CLCN4: variants seen among roughly 807,000 people sequenced by gnomAD.
CLCN4 encodes the protein H(+)/Cl(-) exchange transporter 4.
Under a neutral mutation model 41.7 loss-of-function variants are expected in CLCN4, and 1 was observed. The ratio of observed to expected loss-of-function variants is 0.02; its 90% confidence interval spans 0.01 to 0.11. The LOEUF (loss-of-function observed/expected upper bound fraction) is 0.11, where lower values mean the gene tolerates loss of function less well. Among genes scored for constraint, CLCN4 ranks in the 10% least tolerant of loss-of-function variants. CLCN4 has a pLI of 1.00. For synonymous variants in CLCN4, 277 were observed against 285.8 expected, an observed-to-expected ratio of 0.97 and a Z score of 0.31; for missense variants, 287 against 661.0, an observed-to-expected ratio of 0.43 and a Z score of 6.20.
intron 11 of CLCN4, among the ~76,000 whole-genome samples, chrX:10,216,918 T>TATATATATATATACAC (rs773265490): frequency 3.6e-4 from 14 of 38,931 alleles, no homozygotes; most frequent in African/African-American, 1.1e-3. Flanking sequence ...TATATATATA[T>TATATATATATATACAC]ACACACACAC....
chrX:10,232,044 G>A (rs1203986588), intron 12 of CLCN4, among the ~76,000 whole-genome samples: 1 of 111,754 alleles, frequency 8.9e-6, no homozygotes, highest in Non-Finnish European at 1.9e-5. Flanking sequence ...AATTCATATT[G>A]TCATTATTCT....
In CLCN4 at chrX:10,208,260, C is replaced by T. The variant is rs1480354256; in HGVS notation, c.1059C>T (p.Asn353=). 8.3e-7 allele frequency: 1 copy of T among 1,211,470 alleles called. No homozygotes were observed. Among genetic ancestry groups the T allele is most frequent in the Admixed American group, 2.2e-5 (1 of 45,950 alleles). Residue 353 remains asparagine, a synonymous_variant, in exon 9 of 13, where the codon AAC becomes AAT. Transcript: ENST00000380833. ...GGGGAACCCTCTTCATCCGCTGCAA[C>T]ATCGCCTGGTGCAGGAGGCGCAAGA... ...GLWGTLFIRC[N]IAWCRRRKTT... is the part of the protein sequence containing the mutation.
intron 6 of CLCN4, among the ~76,000 whole-genome samples, chrX:10,199,576 G>A (rs182153090): frequency 1.4e-3 from 155 of 111,242 alleles, no homozygotes; most frequent in African/African-American, 4.7e-3. Flanking sequence ...TGTTTGACTC[G>A]TGTATTTTGT....
chrX:10,202,100 G>A (rs1471461380), intron 6 of CLCN4, among the ~76,000 whole-genome samples: 2 of 112,216 alleles, frequency 1.8e-5, no homozygotes, highest in African/African-American at 3.2e-5. Context: ...ACTTTCAGAG[G>A]CCAAGGTGGG....
At chrX:10,158,848 A>T (rs1923023957) in intron 2 of CLCN4, among the ~76,000 whole-genome samples, 1 of 113,470 alleles carries the variant, frequency 8.8e-6, no homozygotes, top group Admixed American at 9.2e-5. Flanking sequence ...CGGCGGGGGA[A>T]CAAAATCTGA....
In CLCN4 at chrX:10,233,859, A is replaced by G. The variant is rs1925183623; in HGVS notation, c.*275A>G. 4 of 316,529 alleles carry G rather than the reference A, an allele frequency of 1.3e-5. No homozygotes were observed. In the South Asian group the frequency reaches 1.7e-4, roughly 13 times the overall value. The allele number at this position is 316,529 out of a possible 1,213,427, so 26.1% of individuals were successfully genotyped here. On this transcript the variant is annotated 3_prime_UTR_variant, in exon 13 of 13. Transcript: ENST00000380833. Reference sequence around the variant, plus strand: ...GGGCATGTGGGTGGGTAAATGATGTAAATGATGTGATCTGTACAAGTATGT... The same window carrying G: ...GGGCATGTGGGTGGGTAAATGATGTGAATGATGTGATCTGTACAAGTATGT...
intron 2 of CLCN4, among the ~76,000 whole-genome samples, chrX:10,170,913 C>T (rs912435840): frequency 8.9e-6 from 1 of 112,409 alleles, no homozygotes; most frequent in African/African-American, 3.2e-5. Context: ...GAGACAGCGT[C>T]TCGCTGTGTC....
At chrX:10,217,611 A>G (rs765454899) in intron 11 of CLCN4, among the ~76,000 whole-genome samples, 4 of 112,382 alleles carry the variant, frequency 3.6e-5, no homozygotes, top group African/African-American at 9.7e-5. Context: ...TTCTTGGCCT[A>G]TCACATAGTT....
At chrX:10,204,613 CTTTTTTTTTTTT>C (rs61453535) in intron 6 of CLCN4, among the ~76,000 whole-genome samples, 338 of 27,322 alleles carry the variant, frequency 0.012, 3 homozygotes, top group Middle Eastern at 0.023. Flanking sequence ...AGCTAGTAGT[CTTTTTTTTTTTT>C]TTTTTTTTTT....
intron 6 of CLCN4, among the ~76,000 whole-genome samples, chrX:10,203,321 G>A (rs901890112): frequency 1.8e-5 from 2 of 111,527 alleles, no homozygotes; most frequent in Non-Finnish European, 3.8e-5. Flanking sequence ...CCCAGAGCAC[G>A]GGCTCAATTA....
rs143683486 is a variant in CLCN4 at position 10,208,263 on chromosome X, C to T, written c.1062C>T (p.Ile354=). 1.0e-4 allele frequency: 123 copies of T among 1,208,869 alleles called. No individual in the cohort carries two copies. In the African/African-American group the frequency reaches 1.8e-3, roughly 18 times the overall value. The part of the protein sequence containing the change: ...LWGTLFIRCN[I]AWCRRRKTTR... ...GAACCCTCTTCATCCGCTGCAACAT[C>T]GCCTGGTGCAGGAGGCGCAAGACCA... The change falls in exon 9 of 13, where the codon ATC becomes ATT. Residue 354 remains isoleucine (I), a synonymous_variant. Coordinates refer to ENST00000380833, the MANE Select transcript of CLCN4 (RefSeq NM_001830.4).
At chrX:10,177,210 A>T (rs1412847243) in intron 2 of CLCN4, among the ~76,000 whole-genome samples, 1 of 112,733 alleles carries the variant, frequency 8.9e-6, no homozygotes, top group East Asian at 2.7e-4. Context: ...GAAACACAGC[A>T]CCAGGCATTG....
At chrX:10,157,147 A>G (rs1922973405) in intron 1 of CLCN4, 47 bp downstream of exon 1, 5 of 293,457 alleles carry the variant, frequency 1.7e-5, no homozygotes, top group Non-Finnish European at 3.0e-5. Flanking sequence ...GGAGTGACCT[A>G]GTAAAGTACA....
chrX:10,158,099 A>T (rs1412876825), intron 1 of CLCN4, among the ~76,000 whole-genome samples, 190 bp from the exon 2 acceptor site: 4 of 112,637 alleles, frequency 3.6e-5, no homozygotes, highest in Non-Finnish European at 5.6e-5. Flanking sequence ...TGTCATTTTG[A>T]TTTGCACAAA....
At chrX:10,224,867 T>C (rs535310938) in intron 12 of CLCN4, among the ~76,000 whole-genome samples, 7 of 112,059 alleles carry the variant, frequency 6.2e-5, no homozygotes, top group African/African-American at 2.3e-4. Flanking sequence ...CCTGTGTTAT[T>C]TTGCTCAGGA....
intron 2 of CLCN4, among the ~76,000 whole-genome samples, chrX:10,178,498 T>C (rs1319481502): frequency 8.9e-6 from 1 of 111,976 alleles, no homozygotes. Flanking sequence ...TCCAAGCCAG[T>C]TGAGTAGCAC....
At chrX:10,166,039 A>T (rs181257773) in intron 2 of CLCN4, among the ~76,000 whole-genome samples, 2 of 112,121 alleles carry the variant, frequency 1.8e-5, no homozygotes, top group African/African-American at 3.2e-5. Flanking sequence ...GATAAGCAGA[A>T]AATAGGTTGT....
At chrX:10,206,803 G>A in intron 8 of CLCN4, 27 bp downstream of exon 8, 2 of 1,094,613 alleles carry the variant, frequency 1.8e-6, no homozygotes, top group African/African-American at 1.8e-5. Flanking sequence ...GAGGGAATTC[G>A]TGATTTTGAG....
chrX:10,215,398 C>T (rs781522576), intron 11 of CLCN4, among the ~76,000 whole-genome samples: 1 of 112,221 alleles, frequency 8.9e-6, no homozygotes, highest in East Asian at 2.8e-4. Context: ...TTTTACCTCC[C>T]CCAAAGTAAA....
Sources: allele counts gnomAD v4.1 joint callset (sites outside exome capture counted in the v4.1 genomes callset), GRCh38; gene constraint gnomAD v4.1.1; transcripts MANE v1.5; gene names NCBI Gene and HGNC (gene_info 2026-07-23, HGNC 2026-07-21).